The following DUS1L variants were observed in gnomAD, a reference collection of about 807,000 sequenced individuals.
The protein encoded by DUS1L is tRNA-dihydrouridine(16/17) synthase [NAD(P)(+)]-like.
DUS1L carries 56 observed loss-of-function variants against 61.2 expected under a neutral mutation model. The observed-to-expected ratio is 0.92, with a 90% confidence interval of 0.74 to 1.14. The LOEUF (loss-of-function observed/expected upper bound fraction) is 1.14. Among genes scored for constraint, DUS1L ranks in the 50% most tolerant of loss-of-function variants. The probability of loss-of-function intolerance (pLI) is 0.00; values close to 1 mark genes in which losing one functional copy is unlikely to be tolerated. For synonymous variants in DUS1L, 278 were observed against 259.5 expected (o/e 1.07, Z -0.69); for missense variants, 630 against 632.4 (o/e 1.00, Z 0.04).
chr17:82,058,430 A>G lies in DUS1L; in HGVS notation c.1207-14T>C. ...ACATCTGTTGCCCTGGGCACAGGAA[A>G]TCTCGGGAGCCTGTGGCCAGCACCA... On this transcript the variant is annotated splice_polypyrimidine_tract_variant and intron_variant, in intron 12 of 13. Transcript: ENST00000306796. The G allele has an allele frequency of 6.8e-7, 1 of 1,479,284 alleles. No individual in the cohort carries two copies. Among genetic ancestry groups the G allele is most frequent in the Non-Finnish European group, 9.0e-7 (1 of 1,113,838 alleles). The allele number at this position is 1,479,284 out of a possible 1,614,324, so 91.6% of individuals were successfully genotyped here. A position where few individuals can be genotyped will look rare whatever the true frequency, so the allele number is the denominator to read the frequency against.
intron 4 of DUS1L, 138 bp downstream of exon 4, chr17:82,063,330 T>C: frequency 8.4e-7 from 1 of 1,184,316 alleles, no homozygotes; most frequent in Non-Finnish European, 1.2e-6. Flanking sequence ...GAGGCTGCTG[T>C]GGGCAGGAAG....
chr17:82,060,672 T>A, intron 10 of DUS1L, 29 bp downstream of exon 10: 1 of 1,607,484 alleles, frequency 6.2e-7, no homozygotes. Flanking sequence ...TTGGTGCACA[T>A]CCCCGCCCAG....
At chr17:82,059,861 A>G (rs2033382756) in intron 11 of DUS1L, 87 bp downstream of exon 11, 4 of 1,571,592 alleles carry the variant, frequency 2.5e-6, no homozygotes, top group Non-Finnish European at 3.5e-6. Flanking sequence ...CTTGCTGACC[A>G]CAAGTCTGGG....
Position 82,060,080 on chromosome 17 carries a change from T to C in DUS1L, c.1036A>G (p.Ser346Gly). The C allele has an allele frequency of 6.2e-7, 1 of 1,612,888 alleles. No individual in the cohort carries two copies. The highest frequency in any genetic ancestry group is 8.5e-7 in the Non-Finnish European group (1 of 1,179,724). Reference sequence around the variant, plus strand: ...CTGCGCGCACCTGCCTTCTCCTTGCTCCCCTCCCTGGGCCTGAGGGGAGGG... The same window carrying C: ...CTGCGCGCACCTGCCTTCTCCTTGCCCCCCTCCCTGGGCCTGAGGGGAGGG... ...PYIRPGPREGSKEKAGARSKR... is the reference protein window; with the variant it reads ...PYIRPGPREGGKEKAGARSKR... Residue 346 changes from serine (S) to glycine (G), a missense_variant, in exon 11 of 14, where the codon AGC becomes GGC. Ser to Gly is a moderately conservative substitution (Grantham distance 56). Coordinates refer to ENST00000306796, the MANE Select transcript of DUS1L (RefSeq NM_022156.5).
Position 82,057,848 on chromosome 17 carries a change from AGAGG to A in DUS1L, c.*263_*266del. On this transcript the variant is annotated 3_prime_UTR_variant, in exon 14 of 14. Coordinates refer to ENST00000306796, the MANE Select transcript of DUS1L (RefSeq NM_022156.5). ...CCCGGCTCATGCCTCCCTGGGTCTG[AGAGG>A]GCAGTGGTCACAGGCTGTGGGCTCT... 2.9e-6 allele frequency: 1 copy of A among 344,034 alleles called. No individual in the cohort carries two copies. The allele number at this position is 344,034 out of a possible 1,614,324, so 21.3% of individuals were successfully genotyped here. A position where few individuals can be genotyped will look rare whatever the true frequency, so the allele number is the denominator to read the frequency against.
Position 82,065,778 on chromosome 17 carries a change from C to T in DUS1L, c.-176G>A, listed in dbSNP as rs1037576729. The T allele has an allele frequency of 1.3e-5, 2 of 148,944 alleles. No individual in the cohort carries two copies. The highest frequency in any genetic ancestry group is 1.9e-4 in the East Asian group (1 of 5,134). 9.2% of individuals were successfully genotyped at this position (148,944 alleles called of 1,614,324 possible). The stretch of plus-strand genomic sequence containing the variant: ...CGCCGGGGCCGCCGCCGGGCCGCAG[C>T]CGGGCCCAAGGCTCCGCGCCGCCAC... On this transcript the variant is annotated 5_prime_UTR_variant, in exon 1 of 14. Coordinates refer to ENST00000306796, the MANE Select transcript of DUS1L (RefSeq NM_022156.5).
chr17:82,062,071 A>G, intron 5 of DUS1L, 88 bp from the exon 6 acceptor site: 1 of 1,046,258 alleles, frequency 9.6e-7, no homozygotes, highest in Non-Finnish European at 1.2e-6. Flanking sequence ...CTCTGCCCCT[A>G]CTCCACCCCT....
intron 12 of DUS1L, 132 bp downstream of exon 12, chr17:82,058,649 T>C: frequency 6.5e-7 from 1 of 1,545,524 alleles, no homozygotes; most frequent in South Asian, 1.2e-5. Context: ...TCCTGAGGCA[T>C]CCATGCCACC....
chr17:82,063,275 G>A (rs2033600196), intron 4 of DUS1L, 193 bp downstream of exon 4: 2 of 734,704 alleles, frequency 2.7e-6, no homozygotes, highest in Non-Finnish European at 4.6e-6. Context: ...TTAAGGGGTG[G>A]GTGGTGCAGG....
intron 10 of DUS1L, 33 bp from the exon 11 acceptor site, chr17:82,060,126 C>G: frequency 6.2e-7 from 1 of 1,602,940 alleles, no homozygotes. Flanking sequence ...AGCCCAAGGA[C>G]ACTGTGAGAG....
In DUS1L at chr17:82,061,976, G is replaced by A. The variant is rs138482688; in HGVS notation, c.518C>T (p.Thr173Met). 1.7e-5 allele frequency: 27 copies of A among 1,605,232 alleles called. No homozygotes were observed. The highest frequency in any genetic ancestry group is 2.2e-5 in the East Asian group (1 of 44,822). ...CTGCTCCTTGGTGCGTCCGTGCACC[G>A]TCAGCAACTAGGACAGAGCAGTGGT... is the stretch of plus-strand genomic sequence containing the variant. ...MLEKAGCQLLTVHGRTKEQKG... is the reference protein window; with the variant it reads ...MLEKAGCQLLMVHGRTKEQKG... Residue 173 changes from threonine to methionine, a missense_variant, in exon 6 of 14, where the codon ACG (threonine) becomes ATG (methionine). Thr to Met is a moderately conservative substitution (Grantham distance 81, BLOSUM62 -1). Transcript: ENST00000306796.
intron 10 of DUS1L, 168 bp downstream of exon 10, chr17:82,060,533 T>G: frequency 1.2e-6 from 1 of 808,472 alleles, no homozygotes. Flanking sequence ...GAGGGGCACG[T>G]GGAAGGTGTG....
chr17:82,065,234 C>G (rs2033714809), intron 1 of DUS1L, 165 bp from the exon 2 acceptor site: 5 of 600,650 alleles, frequency 8.3e-6, no homozygotes, highest in South Asian at 6.7e-5. Flanking sequence ...ACGGCCACTC[C>G]AGTGCCGCCA....
chr17:82,059,970 C>T lies in DUS1L; in HGVS notation c.1146G>A (p.Lys382=). 1 of 1,614,002 alleles carries T rather than the reference C, an allele frequency of 6.2e-7. No homozygotes were observed. The highest frequency in any genetic ancestry group is 8.5e-7 in the Non-Finnish European group (1 of 1,179,998). ...TACGCTTCAGAGAGGGGTCGAAGGT[C>T]TTGTGGGGGTTCCTCAGCTGCTTCT... The part of the protein sequence containing the change: ...KQKKQLRNPH[K]TFDPSLKPKY... The change falls in exon 11 of 14, where the codon AAG becomes AAA. Residue 382 remains lysine (K), a synonymous_variant. Coordinates refer to ENST00000306796, the MANE Select transcript of DUS1L (RefSeq NM_022156.5).
intron 5 of DUS1L, among the ~76,000 whole-genome samples, chr17:82,062,544 C>T (rs1013023152): frequency 6.6e-6 from 1 of 152,268 alleles, no homozygotes; most frequent in African/African-American, 2.4e-5. Flanking sequence ...CCCTTCCTCA[C>T]CCTCTAGGGA....
Position 82,061,241 on chromosome 17 carries a change from G to T in DUS1L, c.810C>A (p.Val270=), listed in dbSNP as rs1346472269. 2.5e-6 allele frequency: 4 copies of T among 1,607,140 alleles called. No individual in the cohort carries two copies. Among genetic ancestry groups the T allele is most frequent in the Non-Finnish European group, 3.4e-6 (4 of 1,176,646 alleles). ...GCCACAGCTTGAAGAGGTGGGCCCG[G>T]ACGTAGGACAGGGGGCAGGGGTGCT... The part of the protein sequence containing the change: ...VREHPCPLSY[V]RAHLFKLWHH... Residue 270 remains valine (V), a synonymous_variant, in exon 8 of 14, where the codon GTC becomes GTA. Transcript: ENST00000306796.
intron 8 of DUS1L, 64 bp from the exon 9 acceptor site, chr17:82,061,025 C>A: frequency 6.4e-7 from 1 of 1,566,330 alleles, no homozygotes; most frequent in Admixed American, 1.8e-5. Flanking sequence ...CCAGGCTGAG[C>A]ACTGGGCACA....
At chr17:82,058,514 T>C in intron 12 of DUS1L, 98 bp from the exon 13 acceptor site, 1 of 1,468,310 alleles carries the variant, frequency 6.8e-7, no homozygotes, top group Middle Eastern at 2.5e-4. Context: ...CTCTGCCAGA[T>C]GCCCACGGCC....
chr17:82,063,886 T>C (rs973630920), intron 3 of DUS1L, among the ~76,000 whole-genome samples: 21 of 152,104 alleles, frequency 1.4e-4, no homozygotes, highest in Non-Finnish European at 2.9e-4. Flanking sequence ...TCAGCAATCA[T>C]GTTTATGCAG....
Sources: gnomAD v4.1 joint callset for allele counts (sites outside exome capture counted in the v4.1 genomes callset) on GRCh38, gnomAD v4.1.1 for gene constraint, MANE v1.5 for transcripts, NCBI Gene and HGNC (gene_info 2026-07-23, HGNC 2026-07-21) for gene names.